CSTF3: variants seen among roughly 807,000 people sequenced by gnomAD.
CSTF3 encodes the protein cleavage stimulation factor subunit 3.
CSTF3 carries 29 observed loss-of-function variants against 105.8 expected under a neutral mutation model. The observed-to-expected ratio is 0.27, with a 90% CI of 0.20 to 0.37. The LOEUF is 0.37. Ranked by LOEUF, CSTF3 falls within the 10% of genes least tolerant of loss-of-function variation. The pLI, the probability that CSTF3 is intolerant of heterozygous loss-of-function variation, is 1.00. For missense variants in CSTF3, 357 were observed against 879.3 expected, an observed-to-expected ratio of 0.41 and a Z score of 7.51; for synonymous variants, 252 against 281.9, an observed-to-expected ratio of 0.89 and a Z score of 1.06.
rs1565000438 is a variant in CSTF3, at chr11:33,086,861, G to T, written c.1795+127C>A. 5.7e-6 allele frequency: 6 copies of T among 1,056,828 alleles called. No homozygotes were observed. In the South Asian group the frequency reaches 8.0e-5, roughly 14 times the overall value. 65.5% of individuals were successfully genotyped at this position (1,056,828 alleles called of 1,614,324 possible). A position where few individuals can be genotyped will look rare whatever the true frequency, so the allele number is the denominator to read the frequency against. ...TTCAAAGATTAAAGCTAAATCACTT[G>T]TCATAGTGATCCTAAGTCTAATAAT... is the stretch of plus-strand genomic sequence containing the variant. On this transcript the variant is annotated intron_variant, in intron 18 of 20. Coordinates refer to ENST00000323959, the MANE Select transcript of CSTF3 (RefSeq NM_001326.3).
At chr11:33,085,671 C>T (rs750588712) in intron 20 of CSTF3, 42 bp downstream of exon 20, 3 of 1,522,268 alleles carry the variant, frequency 2.0e-6, no homozygotes, top group African/African-American at 1.4e-5. Flanking sequence ...TATGAGACAA[C>T]AACGTGGAAT....
intron 3 of CSTF3, among the ~76,000 whole-genome samples, chr11:33,136,701 A>C (rs557432810): frequency 1.3e-5 from 2 of 151,926 alleles, no homozygotes; most frequent in Admixed American, 6.6e-5. Flanking sequence ...TTTATTTCCA[A>C]ATATGGAGGT....
intron 3 of CSTF3, among the ~76,000 whole-genome samples, chr11:33,130,263 A>G (rs1485023107): frequency 6.6e-6 from 1 of 152,180 alleles, no homozygotes; most frequent in Non-Finnish European, 1.5e-5. Flanking sequence ...ACCAGAGGTC[A>G]GGAGTTCGAG....
intron 3 of CSTF3, among the ~76,000 whole-genome samples, chr11:33,129,625 T>A (rs762607278): frequency 1.2e-4 from 19 of 152,190 alleles, no homozygotes; most frequent in Non-Finnish European, 2.1e-4. Context: ...GGCCACAATT[T>A]TTGGGAACTT....
intron 17 of CSTF3, 66 bp from the exon 18 acceptor site, chr11:33,087,207 A>G: frequency 1.3e-6 from 2 of 1,529,212 alleles, no homozygotes; most frequent in Admixed American, 1.8e-5. Flanking sequence ...ATCATGCAAT[A>G]ACCTTGAGGA....
At position 33,122,928 on chromosome 11, in the gene CSTF3, A is replaced by G. The variant is rs1460754043; in HGVS notation, c.226-14510T>C. ...ATATCCTGTCTCAAAAAAAAAAAAAAAAAAAAGAAAAGAAAAAAGAAAAGA... is the reference window on the plus strand; with the variant it reads ...ATATCCTGTCTCAAAAAAAAAAAAAGAAAAAAGAAAAGAAAAAAGAAAAGA... On this transcript the variant is annotated intron_variant, in intron 3 of 20. Transcript: ENST00000323959. 1.7e-4 allele frequency among the ~76,000 whole-genome samples: 25 copies of G among 150,708 alleles called. 1 individual carries two copies. Among genetic ancestry groups the G allele is most frequent in the Admixed American group, 1.4e-3 (22 of 15,182 alleles).
chr11:33,108,450 A>G lies in CSTF3; in HGVS notation c.226-32T>C, dbSNP rs759614404. ...AGAAACAGAAAAATATAGAATTAAT[A>G]CTATTTTTTTAGAGCATCAGTCTGA... On this transcript the variant is annotated intron_variant, in intron 3 of 20. Transcript: ENST00000323959. 3 of 1,427,860 alleles carry G rather than the reference A, an allele frequency of 2.1e-6. No individual in the cohort carries two copies. In the South Asian group the frequency reaches 4.3e-5, roughly 21 times the overall value. The allele number at this position is 1,427,860 out of a possible 1,614,324, so 88.4% of individuals were successfully genotyped here.
At chr11:33,158,741 C>G (rs1328067842) in intron 1 of CSTF3, among the ~76,000 whole-genome samples, 1 of 152,084 alleles carries the variant, frequency 6.6e-6, no homozygotes, top group African/African-American at 2.4e-5. Context: ...AATATCAAGG[C>G]TGAGTATAGA....
At position 33,099,173 on chromosome 11, in the gene CSTF3, C is replaced by T. The variant is rs1349933768; in HGVS notation, c.937-23G>A. On this transcript the variant is annotated intron_variant, in intron 11 of 20. Transcript: ENST00000323959. The surrounding 1 kb of genome is among the most constrained non-coding windows in gnomAD (Gnocchi z 4.1). ...ATCCTGGTAGAAAAAAAAGAAAGCTCATCTTCAATAATTTTAATATAGTTG... is the reference window on the plus strand; with the variant it reads ...ATCCTGGTAGAAAAAAAAGAAAGCTTATCTTCAATAATTTTAATATAGTTG... The T allele has an allele frequency of 2.6e-6, 4 of 1,567,194 alleles. No homozygotes were observed. The highest frequency in any genetic ancestry group is 2.6e-6 in the Non-Finnish European group (3 of 1,167,426).
rs1437331940 is a variant in CSTF3 at position 33,096,442 on chromosome 11, T to A, written c.1273-34A>T. On this transcript the variant is annotated intron_variant, in intron 14 of 20. Transcript: ENST00000323959. ...AAAGAAAGTAAAGTACAGATTTCCATGAAATGTCAGATAAAAAACACTTGA... is the reference window on the plus strand; with the variant it reads ...AAAGAAAGTAAAGTACAGATTTCCAAGAAATGTCAGATAAAAAACACTTGA... 1.5e-6 allele frequency: 2 copies of A among 1,333,186 alleles called. 1 individual carries two copies. Among genetic ancestry groups the A allele is most frequent in the Non-Finnish European group, 2.1e-6 (2 of 950,198 alleles). The allele number at this position is 1,333,186 out of a possible 1,614,324, so 82.6% of individuals were successfully genotyped here.
At chr11:33,108,691 A>G (rs1335911455) in intron 3 of CSTF3, among the ~76,000 whole-genome samples, 7 of 152,242 alleles carry the variant, frequency 4.6e-5, no homozygotes, top group Admixed American at 4.6e-4. Context: ...AGATGAATAC[A>G]GAAATATACA....
At chr11:33,151,985 C>T (rs1310063107) in intron 1 of CSTF3, among the ~76,000 whole-genome samples, 1 of 152,148 alleles carries the variant, frequency 6.6e-6, no homozygotes, top group African/African-American at 2.4e-5. Context: ...GCCATTTGTA[C>T]ATCTTCTTTG....
intron 3 of CSTF3, among the ~76,000 whole-genome samples, chr11:33,137,917 A>G (rs984885413): frequency 6.6e-6 from 1 of 151,824 alleles, no homozygotes; most frequent in Non-Finnish European, 1.5e-5. Flanking sequence ...TAAAGGTATT[A>G]AAACAGTATC....
At chr11:33,121,694 A>C (rs1855491639) in intron 3 of CSTF3, among the ~76,000 whole-genome samples, 1 of 152,158 alleles carries the variant, frequency 6.6e-6, no homozygotes, top group Admixed American at 6.5e-5. Context: ...ATGTAAAGAC[A>C]GTTGAAGGGA....
At chr11:33,121,258 TTTC>T (rs1004853089) in intron 3 of CSTF3, among the ~76,000 whole-genome samples, 27 of 152,054 alleles carry the variant, frequency 1.8e-4, no homozygotes, top group African/African-American at 6.3e-4. Context: ...TAGACGTGAA[TTTC>T]TTTTTTCTAA....
Position 33,102,307 on chromosome 11 carries a change from A to T in CSTF3, c.696T>A (p.Arg232=). The T allele has an allele frequency of 4.3e-6, 7 of 1,614,080 alleles. No homozygotes were observed. Among genetic ancestry groups the T allele is most frequent in the Non-Finnish European group, 5.9e-6 (7 of 1,179,938 alleles). ...TCTGAGGAGGCACCGAGGGAGCATTACGGTCCAAGCCTTTCATTACTGTCT... is the reference window on the plus strand; with the variant it reads ...TCTGAGGAGGCACCGAGGGAGCATTTCGGTCCAAGCCTTTCATTACTGTCT... ...EYETVMKGLD[R]NAPSVPPQNT... The change falls in exon 10 of 21, where the codon CGT becomes CGA. Residue 232 remains arginine (R), a synonymous_variant. Coordinates refer to ENST00000323959, the MANE Select transcript of CSTF3 (RefSeq NM_001326.3).
chr11:33,125,677 A>G (rs927337071), intron 3 of CSTF3, among the ~76,000 whole-genome samples: 4 of 152,146 alleles, frequency 2.6e-5, no homozygotes, highest in Admixed American at 1.3e-4. Context: ...CTTTTGGAGC[A>G]CATAGTTTAA....
In CSTF3 at chr11:33,105,708, G is replaced by A. The variant is rs1393289655; in HGVS notation, c.459-15C>T. The stretch of plus-strand genomic sequence containing the variant: ...CTACAGCTTCCCTGAGATTGGATAA[G>A]AAATGCCATCAATTATATTATAACC... On this transcript the variant is annotated splice_polypyrimidine_tract_variant and intron_variant, in intron 7 of 20. Coordinates refer to ENST00000323959, the MANE Select transcript of CSTF3 (RefSeq NM_001326.3). 3 of 1,612,160 alleles carry A rather than the reference G, an allele frequency of 1.9e-6. No homozygotes were observed. The Admixed American group carries it at 5.0e-5, about 27-fold the overall frequency.
intron 3 of CSTF3, 191 bp downstream of exon 3, chr11:33,141,476 A>T: frequency 7.6e-7 from 1 of 1,308,246 alleles, no homozygotes; most frequent in Non-Finnish European, 9.7e-7. Context: ...AAAATGCAAC[A>T]ATCATCAGCT....
Sources: gnomAD v4.1 joint callset for allele counts (sites outside exome capture counted in the v4.1 genomes callset) on GRCh38, gnomAD v4.1.1 for gene constraint, Gnocchi (gnomAD v3.1) non-coding constraint, MANE v1.5 for transcripts, NCBI Gene and HGNC (gene_info 2026-07-23, HGNC 2026-07-21) for gene names.